MAP4: variants seen among roughly 807,000 people sequenced by gnomAD.
The protein encoded by MAP4 is microtubule associated protein 4.
A neutral mutation model predicts 170.2 loss-of-function variants in MAP4; 76 were observed. The ratio of observed to expected loss-of-function variants is 0.45; its 90% CI spans 0.37 to 0.54. The LOEUF (loss-of-function observed/expected upper bound fraction) is 0.54. Among genes scored for constraint, MAP4 ranks in the 20% least tolerant of loss-of-function variants. MAP4 has a pLI of 0.00. For synonymous variants in MAP4, 909 were observed against 994.5 expected (o/e 0.91, Z 1.62); for missense variants, 2,506 against 2,748.0 (o/e 0.91, Z 1.97).
intron 17 of MAP4, among the ~76,000 whole-genome samples, chr3:47,863,937 T>TGTGTGTGGG (rs374208589): frequency 7.2e-6 from 1 of 138,356 alleles, no homozygotes; most frequent in African/African-American, 2.7e-5. Flanking sequence ...TGTGTGTGTG[T>TGTGTGTGGG]GGGGAGTGGT....
intron 1 of MAP4, among the ~76,000 whole-genome samples, chr3:48,056,263 G>T (rs2100131450): frequency 3.2e-5 from 4 of 125,370 alleles, no homozygotes; most frequent in Non-Finnish European, 7.2e-5. Flanking sequence ...GAGGGAGGTG[G>T]GGGGGTCAGC....
chr3:47,896,649 G>A (rs2100027051), intron 10 of MAP4, among the ~76,000 whole-genome samples: 1 of 152,160 alleles, frequency 6.6e-6, no homozygotes, highest in Non-Finnish European at 1.5e-5. Context: ...CAACAAAAGT[G>A]AGAAAGCCTA....
intron 1 of MAP4, among the ~76,000 whole-genome samples, chr3:48,067,813 T>C (rs2100139050): frequency 6.6e-6 from 1 of 152,066 alleles, no homozygotes; most frequent in Non-Finnish European, 1.5e-5. Context: ...CTGATTTCTG[T>C]ATTTTTAGTA....
chr3:47,866,476 C>T (rs2151622965), intron 17 of MAP4, among the ~76,000 whole-genome samples: 1 of 151,764 alleles, frequency 6.6e-6, no homozygotes, highest in South Asian at 2.1e-4. Flanking sequence ...AATGGGAGGG[C>T]CGGGCGCAGT....
intron 3 of MAP4, among the ~76,000 whole-genome samples, chr3:47,968,770 G>T (rs2154213204): frequency 6.6e-6 from 1 of 151,982 alleles, no homozygotes; most frequent in African/African-American, 2.4e-5. Flanking sequence ...AAACAGAGGA[G>T]AGAAAATAGA....
chr3:47,855,480 A>G lies in MAP4; in HGVS notation c.6584-120T>C, dbSNP rs1361228720. The G allele has an allele frequency of 1.4e-6, 1 of 693,944 alleles. No individual in the cohort carries two copies. The highest frequency in any genetic ancestry group is 2.5e-5 in the East Asian group (1 of 40,078). The allele number at this position is 693,944 out of a possible 1,614,324, so 43.0% of individuals were successfully genotyped here. Reference sequence around the variant, plus strand: ...CAGACGTGACCTGTTCTGGGTGGCAAATGAAGAACAGTGAACACGTTTGTC... The same window carrying G: ...CAGACGTGACCTGTTCTGGGTGGCAGATGAAGAACAGTGAACACGTTTGTC... On this transcript the variant is annotated intron_variant, in intron 18 of 20. Transcript: ENST00000683076. This position sits in a 1 kb window ranked among gnomAD's most constrained non-coding sequence, Gnocchi z 5.1.
intron 3 of MAP4, among the ~76,000 whole-genome samples, chr3:47,970,278 G>C (rs2100077808): frequency 6.6e-6 from 1 of 151,958 alleles, no homozygotes; most frequent in African/African-American, 2.4e-5. Flanking sequence ...CTGAGGTTGG[G>C]AGTTCGAGAC....
At chr3:48,084,811 TG>T (rs925936263) in intron 1 of MAP4, among the ~76,000 whole-genome samples, 152 of 65,576 alleles carry the variant, frequency 2.3e-3, no homozygotes, top group South Asian at 3.2e-3. Context: ...AAGTTGTTTT[TG>T]TTTTTTTTTT....
At chr3:48,083,889 CTAA>C (rs1430588030) in intron 1 of MAP4, among the ~76,000 whole-genome samples, 2 of 150,578 alleles carry the variant, frequency 1.3e-5, no homozygotes, top group Non-Finnish European at 2.9e-5. Context: ...ACCATGCCAG[CTAA>C]TTTTTGTATT....
intron 1 of MAP4, among the ~76,000 whole-genome samples, chr3:48,086,532 C>T (rs1006041309): frequency 6.6e-6 from 1 of 151,534 alleles, no homozygotes; most frequent in African/African-American, 2.4e-5. Context: ...CCAGCTACTC[C>T]GGAGGCTGTG....
At chr3:47,890,620 TG>T in intron 10 of MAP4, among the ~76,000 whole-genome samples, 1 of 152,240 alleles carries the variant, frequency 6.6e-6, no homozygotes, top group East Asian at 1.9e-4. Context: ...ATCAATCAGT[TG>T]GGATTGAAGG....
intron 10 of MAP4, among the ~76,000 whole-genome samples, chr3:47,897,958 A>AG (rs961914212): frequency 6.6e-6 from 1 of 151,736 alleles, no homozygotes; most frequent in African/African-American, 2.4e-5. Flanking sequence ...GGGAAAAAAA[A>AG]AAAAGAAAGA....
At chr3:47,972,918 A>G (rs575138518) in intron 3 of MAP4, among the ~76,000 whole-genome samples, 29 of 152,238 alleles carry the variant, frequency 1.9e-4, no homozygotes, top group African/African-American at 5.1e-4. Flanking sequence ...AAAAAAATTC[A>G]TAAGTGAAAA....
chr3:48,077,784 A>C (rs2100144707), intron 1 of MAP4, among the ~76,000 whole-genome samples: 1 of 152,252 alleles, frequency 6.6e-6, no homozygotes, highest in South Asian at 2.1e-4. Context: ...AATGCAACCC[A>C]AATGTTCATC....
chr3:47,912,283 T>C lies in MAP4; in HGVS notation c.2138A>G (p.Asp713Gly). Residue 713 changes from aspartate to glycine, a missense_variant, in exon 9 of 21, where the codon GAT (aspartate) becomes GGT (glycine). Around this residue, in one of 3 missense-constraint regions of MAP4, gnomAD observed 2,008 missense variants for 2,206.0 expected, o/e 0.91. Transcript: ENST00000683076. ...LGGSPPWKTL[D>G]HRLGHCSLSE... ...CAAAGAGCAGTGGCCCAGCCTGTGATCAAGAGTCTTCCATGGAGGAGAGCC... is the reference window on the plus strand; with the variant it reads ...CAAAGAGCAGTGGCCCAGCCTGTGACCAAGAGTCTTCCATGGAGGAGAGCC... The C allele has an allele frequency of 6.5e-7, 1 of 1,536,122 alleles. No individual in the cohort carries two copies. The highest frequency in any genetic ancestry group is 8.7e-7 in the Non-Finnish European group (1 of 1,146,902).
chr3:47,951,320 C>T (rs961995179), intron 3 of MAP4, among the ~76,000 whole-genome samples: 1 of 151,920 alleles, frequency 6.6e-6, no homozygotes, highest in Non-Finnish European at 1.5e-5. Context: ...CAGACCCTCT[C>T]CCTCTCCCTC....
intron 3 of MAP4, among the ~76,000 whole-genome samples, chr3:47,960,021 C>A (rs2100070575): frequency 1.3e-5 from 2 of 151,980 alleles, no homozygotes; most frequent in African/African-American, 4.8e-5. Flanking sequence ...CACCACCATG[C>A]CCAGCTAACT....
At chr3:47,943,457 C>T (rs957673186) in intron 3 of MAP4, among the ~76,000 whole-genome samples, 1 of 151,904 alleles carries the variant, frequency 6.6e-6, no homozygotes, top group Non-Finnish European at 1.5e-5. Flanking sequence ...ACTAAAAATA[C>T]AAAAATTAGC....
intron 10 of MAP4, chr3:47,891,926 T>C (rs2153066428): frequency 1.3e-6 from 2 of 1,536,144 alleles, no homozygotes; most frequent in East Asian, 4.9e-5. Flanking sequence ...AGCCACTGGA[T>C]GAAAGCTGGG....
Sources: gnomAD v4.1 joint callset for allele counts (sites outside exome capture counted in the v4.1 genomes callset) on GRCh38, gnomAD v4.1.1 for gene constraint, gnomAD v4.1.1 regional missense constraint, Gnocchi (gnomAD v3.1) non-coding constraint, MANE v1.5 for transcripts, NCBI Gene and HGNC (gene_info 2026-07-23, HGNC 2026-07-21) for gene names.